FIGN: variants seen among roughly 807,000 people sequenced by gnomAD.
FIGN encodes the protein fidgetin, microtubule severing factor.
FIGN carries 11 observed loss-of-function variants against 51.3 expected under a neutral mutation model. The observed-to-expected ratio is 0.21, with a 90% CI of 0.13 to 0.35. The LOEUF (loss-of-function observed/expected upper bound fraction) is 0.35, where lower values mean the gene tolerates loss of function less well. Ranked by LOEUF, FIGN falls within the 10% of genes least tolerant of loss-of-function variation. FIGN has a pLI of 1.00. For missense variants in FIGN, 857 were observed against 943.6 expected, an observed-to-expected ratio of 0.91 and a Z score of 1.20; for synonymous variants, 407 against 363.2, an observed-to-expected ratio of 1.12 and a Z score of -1.37.
chr2:163,621,564 G>GC (rs1197424373), intron 2 of FIGN, among the ~76,000 whole-genome samples: 1 of 152,140 alleles, frequency 6.6e-6, no homozygotes, highest in Non-Finnish European at 1.5e-5. Flanking sequence ...AACCAGCACA[G>GC]CCTAGGATTA....
At chr2:163,624,708 A>ATATATAT (rs564288395) in intron 2 of FIGN, among the ~76,000 whole-genome samples, 35 of 145,488 alleles carry the variant, frequency 2.4e-4, no homozygotes, top group African/African-American at 8.4e-4. Flanking sequence ...ATATATATAT[A>ATATATAT]TTTTTTTTTT....
rs78981539 is a variant in FIGN, at chr2:163,626,819, C to T, written c.26-15013G>A. Among the ~76,000 whole-genome samples the T allele has an allele frequency of 6.0e-3, 907 of 152,196 alleles. 10 individuals carry two copies. Among genetic ancestry groups the T allele is most frequent in the African/African-American group, 0.02 (838 of 41,534 alleles). On this transcript the variant is annotated intron_variant, in intron 2 of 2. Transcript: ENST00000333129. ...GGTTGCGGTAAAGAAGCCAGCCAAA[C>T]CCACTAAAACCGAGATAGTGACGAA...
intron 2 of FIGN, among the ~76,000 whole-genome samples, chr2:163,714,055 C>T (rs1036333457): frequency 6.6e-6 from 1 of 152,198 alleles, no homozygotes; most frequent in Non-Finnish European, 1.5e-5. Flanking sequence ...CCACAGACGG[C>T]TGCTCTCCAT....
rs1691251740 is a variant in FIGN, at chr2:163,611,286, A to G, written c.546T>C (p.Ser182=). The G allele has an allele frequency of 3.7e-6, 6 of 1,614,112 alleles. No homozygotes were observed. In the East Asian group the frequency reaches 1.1e-4, roughly 30 times the overall value. The change falls in exon 3 of 3, where the codon TCT becomes TCC. Residue 182 remains serine, a synonymous_variant. Transcript: ENST00000333129. The part of the protein sequence containing the change: ...TVPSLHAGLP[S]QEYAPGYNGS... ...CGTTGTATCCTGGGGCATATTCCTG[A>G]GATGGGAGCCCTGCATGAAGACTGG... is the stretch of plus-strand genomic sequence containing the variant.
At chr2:163,676,603 A>C (rs1404719353) in intron 2 of FIGN, among the ~76,000 whole-genome samples, 6 of 151,540 alleles carry the variant, frequency 4.0e-5, no homozygotes, top group Non-Finnish European at 8.8e-5. Context: ...TATTAAAATA[A>C]TAAATGTCAT....
In FIGN at chr2:163,674,905, A is replaced by C. The variant is rs1046115687; in HGVS notation, c.25+59998T>G. Among the ~76,000 whole-genome samples, 13 of 152,174 alleles carry C rather than the reference A, an allele frequency of 8.5e-5. 1 individual carries two copies. The highest frequency in any genetic ancestry group is 5.2e-4 in the Admixed American group (8 of 15,276). On this transcript the variant is annotated intron_variant, in intron 2 of 2. Coordinates refer to ENST00000333129, the MANE Select transcript of FIGN (RefSeq NM_018086.4). ...GTATTTAAATGGCTTTCTGAGAAGA[A>C]GTATGGTTAGCTCATAGGTGGAACT...
chr2:163,637,707 T>C (rs915785201), intron 2 of FIGN, among the ~76,000 whole-genome samples: 1 of 152,192 alleles, frequency 6.6e-6, no homozygotes, highest in Non-Finnish European at 1.5e-5. Context: ...GCACAATCCT[T>C]TCTTGCACAT....
At chr2:163,647,012 C>A (rs572376455) in intron 2 of FIGN, among the ~76,000 whole-genome samples, 11 of 152,310 alleles carry the variant, frequency 7.2e-5, no homozygotes, top group African/African-American at 2.6e-4. Flanking sequence ...CTGACAACAC[C>A]AACCTAGCAA....
chr2:163,664,762 C>T (rs994156301), intron 2 of FIGN, among the ~76,000 whole-genome samples: 2 of 152,212 alleles, frequency 1.3e-5, no homozygotes, highest in Admixed American at 1.3e-4. Context: ...TGTGAGTCAA[C>T]ACTCTAGCCA....
chr2:163,721,810 T>C (rs1413282524), intron 2 of FIGN, among the ~76,000 whole-genome samples: 2 of 152,216 alleles, frequency 1.3e-5, no homozygotes, highest in African/African-American at 2.4e-5. Context: ...GTTTTCTTAG[T>C]AAAATTGTGT....
chr2:163,634,881 A>G (rs1176953317), intron 2 of FIGN, among the ~76,000 whole-genome samples: 5 of 152,174 alleles, frequency 3.3e-5, no homozygotes, highest in Admixed American at 3.3e-4. Context: ...TTTCACTACT[A>G]GGCTGTCTTT....
At chr2:163,661,360 C>T (rs1256920437) in intron 2 of FIGN, among the ~76,000 whole-genome samples, 5 of 151,768 alleles carry the variant, frequency 3.3e-5, no homozygotes, top group Non-Finnish European at 7.4e-5. Context: ...CCATCTCAGC[C>T]TCCCCAGCAG....
At chr2:163,689,832 C>T (rs1573952586) in intron 2 of FIGN, among the ~76,000 whole-genome samples, 2 of 152,034 alleles carry the variant, frequency 1.3e-5, no homozygotes, top group East Asian at 1.9e-4. Flanking sequence ...ATGGGAGTGT[C>T]GCAAACCCAC....
At chr2:163,673,630 C>T (rs1335687013) in intron 2 of FIGN, among the ~76,000 whole-genome samples, 5 of 152,058 alleles carry the variant, frequency 3.3e-5, no homozygotes, top group Non-Finnish European at 5.9e-5. Context: ...TAACTTATCC[C>T]ACCTTGCAAG....
intron 2 of FIGN, among the ~76,000 whole-genome samples, chr2:163,717,100 G>A (rs980860139): frequency 1.3e-5 from 2 of 152,152 alleles, no homozygotes; most frequent in African/African-American, 4.8e-5. Context: ...GCAGTGATAT[G>A]AAAAGTCTAA....
chr2:163,662,959 T>C (rs1242102673), intron 2 of FIGN, among the ~76,000 whole-genome samples: 3 of 152,198 alleles, frequency 2.0e-5, no homozygotes, highest in East Asian at 3.9e-4. Flanking sequence ...TTCTGAGGGC[T>C]CCCCAGCCAT....
In FIGN at chr2:163,604,079, G is replaced by C. The variant is rs570585220; in HGVS notation, c.*5473C>G. On this transcript the variant is annotated 3_prime_UTR_variant, in exon 3 of 3. Transcript: ENST00000333129. ...TTGGTTTATTTTCAGTGTTGTGCAG[G>C]CCCTTGCAACTGCATTGTTTTTCTT... 6 of 152,136 alleles carry C rather than the reference G, an allele frequency of 3.9e-5. No individual in the cohort carries two copies. Among genetic ancestry groups the C allele is most frequent in the Admixed American group, 3.9e-4 (6 of 15,264 alleles). The allele number at this position is 152,136 out of a possible 1,614,324, so 9.4% of individuals were successfully genotyped here. A position where few individuals can be genotyped will look rare whatever the true frequency, so the allele number is the denominator to read the frequency against.
chr2:163,661,251 A>T (rs1012467797), intron 2 of FIGN, among the ~76,000 whole-genome samples: 9 of 150,602 alleles, frequency 6.0e-5, no homozygotes, highest in Admixed American at 2.7e-4. Context: ...TATTATTATT[A>T]TTTTTTGAGA....
At chr2:163,714,339 G>A (rs1168750711) in intron 2 of FIGN, among the ~76,000 whole-genome samples, 1 of 152,152 alleles carries the variant, frequency 6.6e-6, no homozygotes, top group Non-Finnish European at 1.5e-5. Flanking sequence ...ATGTGTACAA[G>A]TAAGCAGCAT....
Sources: gnomAD v4.1 joint callset for allele counts (sites outside exome capture counted in the v4.1 genomes callset) on GRCh38, gnomAD v4.1.1 for gene constraint, MANE v1.5 for transcripts, NCBI Gene and HGNC (gene_info 2026-07-23, HGNC 2026-07-21) for gene names.